ZNF735: variants seen among roughly 807,000 people sequenced by gnomAD.
ZNF735 encodes putative zinc finger protein 735.
A neutral mutation model predicts 13.4 loss-of-function variants in ZNF735; 11 were observed. That is an observed-to-expected ratio of 0.82 (90% CI 0.52 to 1.36). The LOEUF is 1.36. ZNF735 is among the 40% of genes most tolerant of loss of function. The pLI, the probability that ZNF735 is intolerant of heterozygous loss-of-function variation, is 0.00. For missense variants in ZNF735, 500 were observed against 484.6 expected, an observed-to-expected ratio of 1.03 and a Z score of -0.30; for synonymous variants, 171 against 162.6, an observed-to-expected ratio of 1.05 and a Z score of -0.39.
intron 1 of ZNF735, 31 bp downstream of exon 1, chr7:64,207,272 G>A (rs1302203926): frequency 3.7e-6 from 6 of 1,614,058 alleles, no homozygotes; most frequent in African/African-American, 1.3e-5. Flanking sequence ...CGTGAGAGAG[G>A]GGTGGGAGGT....
chr7:64,213,970 A>G, intron 2 of ZNF735, 43 bp from the exon 3 acceptor site: 1 of 1,499,458 alleles, frequency 6.7e-7, no homozygotes, highest in Non-Finnish European at 8.9e-7. Flanking sequence ...AAAAATAAAT[A>G]AATAAATAAG....
In ZNF735 at chr7:64,212,952, C is replaced by A. The variant is rs143397596; in HGVS notation, c.40-140C>A. On this transcript the variant is annotated intron_variant, in intron 1 of 3. Coordinates refer to ENST00000429565, the Ensembl canonical transcript of ZNF735. The stretch of plus-strand genomic sequence containing the variant: ...AGAATACTTCCATGTTAAAAATTAT[C>A]TTACTGAGTAATTTCAGTCACTCTT... 1.2e-4 allele frequency: 106 copies of A among 863,054 alleles called. No homozygotes were observed. The African/African-American group carries it at 1.6e-3, about 13-fold the overall frequency. The allele number at this position is 863,054 out of a possible 1,614,324, so 53.5% of individuals were successfully genotyped here. A position where few individuals can be genotyped will look rare whatever the true frequency, so the allele number is the denominator to read the frequency against.
At position 64,208,585 on chromosome 7, in the gene ZNF735, A is replaced by T. The variant is rs184987707; in HGVS notation, c.39+1344A>T. 9.1e-3 allele frequency among the ~76,000 whole-genome samples: 1,384 copies of T among 152,104 alleles called. 9 individuals are homozygous for T. Among genetic ancestry groups the T allele is most frequent in the Non-Finnish European group, 0.015 (1,041 of 67,988 alleles). On this transcript the variant is annotated intron_variant, in intron 1 of 3. Transcript: ENST00000429565. ...TTTTTTTTCTTTTACCTTTTATTTT[A>T]GGTTCAGGAGTACATGTGCAAGTTT...
intron 3 of ZNF735, among the ~76,000 whole-genome samples, chr7:64,216,295 CA>C (rs200866185): frequency 0.013 from 1,801 of 140,762 alleles, 45 homozygotes; most frequent in African/African-American, 0.042. Context: ...GACTCCATCT[CA>C]AAAAAAAAAA....
At chr7:64,213,779 T>C (rs1192861943) in intron 2 of ZNF735, among the ~76,000 whole-genome samples, 5 of 151,830 alleles carry the variant, frequency 3.3e-5, no homozygotes. Flanking sequence ...GCTAATATGG[T>C]GAAACTCCGT....
intron 3 of ZNF735, among the ~76,000 whole-genome samples, chr7:64,217,088 G>A (rs1469732596): frequency 1.3e-5 from 2 of 152,142 alleles, no homozygotes; most frequent in Admixed American, 1.3e-4. Context: ...TCCACTGTTG[G>A]ATGTGGGGCC....
At chr7:64,211,382 A>G (rs1040303121) in intron 1 of ZNF735, among the ~76,000 whole-genome samples, 2 of 152,312 alleles carry the variant, frequency 1.3e-5, no homozygotes, top group East Asian at 1.9e-4. Context: ...AGTTCCATGC[A>G]GAACAGGGTT....
At chr7:64,214,843 C>A (rs1432420488) in intron 3 of ZNF735, among the ~76,000 whole-genome samples, 1 of 151,254 alleles carries the variant, frequency 6.6e-6, no homozygotes, top group African/African-American at 2.4e-5. Context: ...TCATCAATAA[C>A]TTTCATAGGT....
At chr7:64,209,912 C>T (rs924679108) in intron 1 of ZNF735, among the ~76,000 whole-genome samples, 2 of 152,042 alleles carry the variant, frequency 1.3e-5, no homozygotes, top group Admixed American at 6.6e-5. Context: ...TCATTATTTA[C>T]AAAACAGCCA....
In ZNF735 at chr7:64,208,241, AAT is replaced by A. The variant is rs1491203997; in HGVS notation, c.39+1001_39+1002del. Among the ~76,000 whole-genome samples the A allele has an allele frequency of 2.0e-4, 22 of 110,052 alleles. 1 individual carries two copies. The highest frequency in any genetic ancestry group is 1.4e-3 in the East Asian group (5 of 3,484). 72.2% of individuals were successfully genotyped at this position (110,052 alleles called of 152,430 possible). A position where few individuals can be genotyped will look rare whatever the true frequency, so the allele number is the denominator to read the frequency against. On this transcript the variant is annotated intron_variant, in intron 1 of 3. Coordinates refer to ENST00000429565, the Ensembl canonical transcript of ZNF735. ...TTCTTCAAGATAGTAATCTCCAATA[AAT>A]GTTTTTTTTTTTTTTTTTTTTTTTT... is the stretch of plus-strand genomic sequence containing the variant.
chr7:64,213,338 G>A (rs1562832563), intron 2 of ZNF735, 120 bp downstream of exon 2: 5 of 1,022,020 alleles, frequency 4.9e-6, no homozygotes, highest in Non-Finnish European at 7.0e-6. Context: ...AGAAAATCTT[G>A]GGGATTCATT....
intron 3 of ZNF735, among the ~76,000 whole-genome samples, chr7:64,215,278 G>A (rs11761635): frequency 0.36 from 55,171 of 151,718 alleles, 10,049 homozygotes; most frequent in African/African-American, 0.4. Flanking sequence ...GACTGGTCTC[G>A]AATTACTGAC....
chr7:64,213,057 T>C, intron 1 of ZNF735, 35 bp from the exon 2 acceptor site: 2 of 1,584,876 alleles, frequency 1.3e-6, no homozygotes, highest in Non-Finnish European at 1.7e-6. Flanking sequence ...ATATGGTAAG[T>C]GTGTGTTCAT....
chr7:64,220,236 T>C (rs1199370598), exon 4 of ZNF735: 1 of 1,612,246 alleles, frequency 6.2e-7, no homozygotes, highest in Non-Finnish European at 8.5e-7. Flanking sequence ...GGCATTCAAG[T>C]CTTGCTAAAC....
At chr7:64,219,464 A>G (rs761552506) in exon 4 of ZNF735, 5 of 1,613,798 alleles carry the variant, frequency 3.1e-6, no homozygotes. Flanking sequence ...TGTGAGGTGC[A>G]CAAAGGAGGT....
intron 1 of ZNF735, among the ~76,000 whole-genome samples, chr7:64,211,726 T>A (rs974377397): frequency 5.9e-5 from 9 of 151,626 alleles, no homozygotes; most frequent in Middle Eastern, 3.4e-3. Flanking sequence ...AATAGCCAAG[T>A]GTAGTGCCAT....
intron 1 of ZNF735, among the ~76,000 whole-genome samples, chr7:64,210,712 CTT>C (rs1240501169): frequency 2.6e-5 from 4 of 151,982 alleles, no homozygotes; most frequent in East Asian, 1.9e-4. Flanking sequence ...GAAAAAGAAA[CTT>C]ATATTTTATT....
intron 3 of ZNF735, among the ~76,000 whole-genome samples, chr7:64,216,898 A>T (rs1787428214): frequency 6.6e-6 from 1 of 152,188 alleles, no homozygotes; most frequent in Non-Finnish European, 1.5e-5. Flanking sequence ...GAGCCACTGC[A>T]CCTGGCTGAT....
chr7:64,213,738 A>G (rs953950345), intron 2 of ZNF735, among the ~76,000 whole-genome samples: 3 of 152,162 alleles, frequency 2.0e-5, no homozygotes, highest in Admixed American at 1.3e-4. Flanking sequence ...AGGCAGGCAG[A>G]TCACAAGGTC....
Sources: allele counts gnomAD v4.1 joint callset (sites outside exome capture counted in the v4.1 genomes callset), GRCh38; gene constraint gnomAD v4.1.1; transcripts MANE v1.5; gene names NCBI Gene and HGNC (gene_info 2026-07-23, HGNC 2026-07-21).